APBB2: variants seen among roughly 807,000 people sequenced by gnomAD.
The protein encoded by APBB2 is Fe65-like 1.
APBB2 carries 38 observed loss-of-function variants against 82.5 expected under a neutral mutation model. The ratio of observed to expected loss-of-function variants is 0.46; its 90% CI spans 0.36 to 0.60. The LOEUF (loss-of-function observed/expected upper bound fraction) is 0.60. APBB2 is among the 20% of genes least tolerant of loss of function. APBB2 has a pLI of 0.00. For missense variants in APBB2, 772 were observed against 972.3 expected (o/e 0.79, Z 2.74); for synonymous variants, 341 against 368.2 (o/e 0.93, Z 0.85).
At chr4:41,184,027 C>G (rs1056198827) in intron 1 of APBB2, among the ~76,000 whole-genome samples, 1 of 151,670 alleles carries the variant, frequency 6.6e-6, no homozygotes, top group Non-Finnish European at 1.5e-5. Flanking sequence ...GAGACAGCGA[C>G]AGATCATCAG....
chr4:40,909,883 CACA>C (rs1778077282), intron 10 of APBB2, among the ~76,000 whole-genome samples: 1 of 152,202 alleles, frequency 6.6e-6, no homozygotes, highest in South Asian at 2.1e-4. Context: ...CAACATGTAG[CACA>C]ACATGTTTTC....
At chr4:41,014,436 T>A in intron 5 of APBB2, 38 bp from the exon 6 acceptor site, 1 of 1,558,506 alleles carries the variant, frequency 6.4e-7, no homozygotes, top group Non-Finnish European at 8.8e-7. Flanking sequence ...CTGCCATGAT[T>A]AAACTACTTA....
intron 3 of APBB2, among the ~76,000 whole-genome samples, chr4:41,075,142 CAAAAG>C (rs922277359): frequency 3.1e-4 from 47 of 152,126 alleles, no homozygotes; most frequent in Non-Finnish European, 6.2e-4. Flanking sequence ...TCCAAAAAAA[CAAAAG>C]AAATCAGATC....
At chr4:40,951,571 G>A (rs974674775) in intron 6 of APBB2, among the ~76,000 whole-genome samples, 4 of 152,252 alleles carry the variant, frequency 2.6e-5, no homozygotes, top group African/African-American at 4.8e-5. Context: ...CCTTCGTATC[G>A]TGGCTCAGCC....
chr4:40,980,517 CACTGCAGAGCCA>C (rs36207342), intron 6 of APBB2, among the ~76,000 whole-genome samples: 151,693 of 152,146 alleles, frequency 1, 75,621 homozygotes, highest in Middle Eastern at 1. Flanking sequence ...CACGAGGGGG[CACTGCAGAGCCA>C]ACTGCAGAGC....
At position 41,022,349 on chromosome 4, in the gene APBB2, A is replaced by C. The variant is rs1711958259; in HGVS notation, c.20-7951T>G. Among the ~76,000 whole-genome samples, 3 of 152,338 alleles carry C rather than the reference A, an allele frequency of 2.0e-5. No individual in the cohort carries two copies. The South Asian group carries it at 6.2e-4, about 32-fold the overall frequency. On this transcript the variant is annotated intron_variant, in intron 5 of 17. Transcript: ENST00000508593. ...TGTGGCCAATTTGGAGAACCACTGG[A>C]AGAGGAAGTGTGAGATCTGGGAAGA... is the stretch of plus-strand genomic sequence containing the variant.
At chr4:41,085,269 A>G (rs1739239651) in intron 3 of APBB2, among the ~76,000 whole-genome samples, 1 of 151,250 alleles carries the variant, frequency 6.6e-6, no homozygotes, top group African/African-American at 2.4e-5. Flanking sequence ...AAAAAAAAAA[A>G]GACTGAAACT....
At chr4:40,942,211 G>A (rs1787179819) in intron 7 of APBB2, among the ~76,000 whole-genome samples, 1 of 152,172 alleles carries the variant, frequency 6.6e-6, no homozygotes, top group African/African-American at 2.4e-5. Context: ...GGGAACAACT[G>A]AAAGGTCAGC....
intron 3 of APBB2, among the ~76,000 whole-genome samples, chr4:41,079,252 G>T (rs1394034007): frequency 6.6e-6 from 1 of 152,090 alleles, no homozygotes; most frequent in East Asian, 1.9e-4. Context: ...CCCCAACTTG[G>T]GTAAATTCAG....
chr4:41,045,445 C>T (rs61123075), intron 4 of APBB2, among the ~76,000 whole-genome samples: 7 of 152,012 alleles, frequency 4.6e-5, no homozygotes, highest in African/African-American at 1.7e-4. Context: ...AGGCACCCAC[C>T]ACCAAGCCCA....
At chr4:41,097,806 A>G (rs908277990) in intron 3 of APBB2, among the ~76,000 whole-genome samples, 2 of 152,180 alleles carry the variant, frequency 1.3e-5, no homozygotes, top group African/African-American at 4.8e-5. Flanking sequence ...TTGAAGACAC[A>G]TGCAATTAAG....
At chr4:40,940,918 A>T (rs1786722303) in intron 7 of APBB2, among the ~76,000 whole-genome samples, 1 of 152,222 alleles carries the variant, frequency 6.6e-6, no homozygotes, top group South Asian at 2.1e-4. Flanking sequence ...TTGGGCGGGG[A>T]GGAGCACCAC....
chr4:41,133,358 A>C (rs1314098575), intron 2 of APBB2, among the ~76,000 whole-genome samples: 1 of 152,196 alleles, frequency 6.6e-6, no homozygotes, highest in African/African-American at 2.4e-5. Context: ...TTTAATCTCA[A>C]ACAGAAGTCC....
chr4:40,885,135 T>C (rs1002390278), intron 12 of APBB2, among the ~76,000 whole-genome samples: 2 of 152,332 alleles, frequency 1.3e-5, no homozygotes, highest in Middle Eastern at 6.8e-3. Context: ...ACATCATGAC[T>C]GTTGATGGTT....
intron 10 of APBB2, among the ~76,000 whole-genome samples, chr4:40,929,542 A>G (rs1057218278): frequency 6.6e-6 from 1 of 152,190 alleles, no homozygotes; most frequent in South Asian, 2.1e-4. Flanking sequence ...CTCGTGATCC[A>G]CCCGCCGTGG....
intron 1 of APBB2, among the ~76,000 whole-genome samples, chr4:41,144,026 G>A (rs1283285859): frequency 2.0e-5 from 3 of 152,214 alleles, no homozygotes; most frequent in Admixed American, 6.5e-5. Context: ...AAAACTCAAT[G>A]AGGGAATCTT....
intron 2 of APBB2, among the ~76,000 whole-genome samples, chr4:41,101,741 C>T (rs1420409246): frequency 1.3e-5 from 2 of 151,874 alleles, no homozygotes; most frequent in East Asian, 1.9e-4. Context: ...GGGCGGATCA[C>T]GACGTCAGGA....
intron 2 of APBB2, among the ~76,000 whole-genome samples, chr4:41,140,451 C>T (rs978795775): frequency 3.3e-5 from 5 of 152,258 alleles, no homozygotes; most frequent in Non-Finnish European, 5.9e-5. Context: ...GTTAAATAAT[C>T]GCCCTCCCTG....
At chr4:41,106,621 C>T (rs1580088019) in intron 2 of APBB2, among the ~76,000 whole-genome samples, 2 of 152,026 alleles carry the variant, frequency 1.3e-5, no homozygotes, top group South Asian at 2.1e-4. Context: ...GGACTACAGG[C>T]GCCCGCCACC....
Sources: allele counts gnomAD v4.1 joint callset (sites outside exome capture counted in the v4.1 genomes callset), GRCh38; gene constraint gnomAD v4.1.1; transcripts MANE v1.5; gene names NCBI Gene and HGNC (gene_info 2026-07-23, HGNC 2026-07-21).